The following HOMER1 variants were observed in gnomAD, a reference collection of about 807,000 sequenced individuals.
HOMER1 encodes the protein homer protein homolog 1.
HOMER1 carries 3 observed loss-of-function variants against 48.9 expected under a neutral mutation model. The observed-to-expected ratio is 0.06, with a 90% CI of 0.03 to 0.16. HOMER1 has a LOEUF of 0.16. Ranked by LOEUF, HOMER1 falls within the 10% of genes least tolerant of loss-of-function variation. The probability of loss-of-function intolerance (pLI) is 1.00; values close to 1 mark genes in which losing one functional copy is unlikely to be tolerated. For missense variants in HOMER1, 247 were observed against 411.4 expected (o/e 0.60, Z 3.46); for synonymous variants, 134 against 146.4 (o/e 0.92, Z 0.61).
At chr5:79,495,373 G>C (rs1466497353) in intron 1 of HOMER1, among the ~76,000 whole-genome samples, 1 of 152,038 alleles carries the variant, frequency 6.6e-6, no homozygotes, top group African/African-American at 2.4e-5. Context: ...ACTCTTATTT[G>C]TTTGTTAAGG....
At chr5:79,447,872 G>A (rs549153615) in intron 3 of HOMER1, among the ~76,000 whole-genome samples, 23 of 152,256 alleles carry the variant, frequency 1.5e-4, no homozygotes, top group Non-Finnish European at 2.8e-4. Context: ...ACTATTATCA[G>A]TGAGAATAAG....
At chr5:79,382,629 AC>A (rs1749011544) in intron 8 of HOMER1, among the ~76,000 whole-genome samples, 1 of 152,224 alleles carries the variant, frequency 6.6e-6, no homozygotes, top group African/African-American at 2.4e-5. Flanking sequence ...AGAATTCATC[AC>A]CACTATACCA....
At chr5:79,390,987 A>G (rs996966618) in intron 8 of HOMER1, among the ~76,000 whole-genome samples, 1 of 152,142 alleles carries the variant, frequency 6.6e-6, no homozygotes, top group Non-Finnish European at 1.5e-5. Flanking sequence ...TAAAAGTGAA[A>G]GAATGAAAAA....
chr5:79,483,689 T>C (rs1004227478), intron 1 of HOMER1, among the ~76,000 whole-genome samples: 1 of 150,964 alleles, frequency 6.6e-6, no homozygotes. Flanking sequence ...GGGGTAAATA[T>C]GCAGGTAAAT....
intron 6 of HOMER1, among the ~76,000 whole-genome samples, chr5:79,398,674 T>C (rs1172337706): frequency 6.6e-6 from 1 of 152,146 alleles, no homozygotes; most frequent in Non-Finnish European, 1.5e-5. Flanking sequence ...TTCAAAGACT[T>C]TCAGCAGCTC....
At chr5:79,500,288 A>G (rs1752540320) in intron 1 of HOMER1, among the ~76,000 whole-genome samples, 1 of 152,228 alleles carries the variant, frequency 6.6e-6, no homozygotes, top group Non-Finnish European at 1.5e-5. Flanking sequence ...CAGTTTTATG[A>G]TAACATAAAG....
intron 1 of HOMER1, among the ~76,000 whole-genome samples, chr5:79,511,514 T>C (rs1473270895): frequency 6.6e-6 from 1 of 152,168 alleles, no homozygotes; most frequent in Non-Finnish European, 1.5e-5. Flanking sequence ...AGAGGTCAAG[T>C]AATTTGCCTC....
chr5:79,375,897 A>T lies in HOMER1; in HGVS notation c.*112T>A. 1 of 541,758 alleles carries T rather than the reference A, an allele frequency of 1.8e-6. No individual in the cohort carries two copies. The highest frequency in any genetic ancestry group is 3.0e-6 in the Non-Finnish European group (1 of 336,688). The allele number at this position is 541,758 out of a possible 1,614,324, so 33.6% of individuals were successfully genotyped here. The stretch of plus-strand genomic sequence containing the variant: ...AAAAGATCCTCCTCCTGGAGGAGTG[A>T]TATTCAATTTTTTTTTTTTTTTTTT... On this transcript the variant is annotated 3_prime_UTR_variant, in exon 9 of 9. Coordinates refer to ENST00000334082, the MANE Select transcript of HOMER1 (RefSeq NM_004272.5).
chr5:79,497,358 T>TA (rs1048846181), intron 1 of HOMER1, among the ~76,000 whole-genome samples: 6 of 151,744 alleles, frequency 4.0e-5, no homozygotes, highest in Non-Finnish European at 8.8e-5. Context: ...TTTTCCCTTA[T>TA]AAAAAATAGA....
chr5:79,391,915 C>A (rs1428102406), intron 8 of HOMER1, among the ~76,000 whole-genome samples: 1 of 152,078 alleles, frequency 6.6e-6, no homozygotes, highest in Admixed American at 6.6e-5. Context: ...TTTTGATCAA[C>A]CATGAACAGC....
chr5:79,465,484 T>C (rs1410187534), intron 1 of HOMER1, among the ~76,000 whole-genome samples: 3 of 152,068 alleles, frequency 2.0e-5, no homozygotes, highest in African/African-American at 4.8e-5. Flanking sequence ...AATTGATGTA[T>C]TTGAAGAAAA....
At chr5:79,416,552 T>G (rs2112240895) in intron 5 of HOMER1, among the ~76,000 whole-genome samples, 1 of 152,358 alleles carries the variant, frequency 6.6e-6, no homozygotes, top group South Asian at 2.1e-4. Context: ...TAACTGTGCT[T>G]CTAGCAGTAA....
At chr5:79,481,498 T>G (rs1002131276) in intron 1 of HOMER1, among the ~76,000 whole-genome samples, 1 of 152,052 alleles carries the variant, frequency 6.6e-6, no homozygotes, top group Admixed American at 6.5e-5. Context: ...TTTGGAGAGG[T>G]AAGGCAGCTA....
intron 6 of HOMER1, among the ~76,000 whole-genome samples, chr5:79,400,293 GAAT>G (rs1296682216): frequency 1.3e-5 from 2 of 151,306 alleles, no homozygotes; most frequent in African/African-American, 4.9e-5. Context: ...ACACAGGATA[GAAT>G]AACATTTACT....
intron 5 of HOMER1, among the ~76,000 whole-genome samples, chr5:79,411,751 G>A (rs763030958): frequency 1.3e-5 from 2 of 152,264 alleles, no homozygotes; most frequent in East Asian, 3.9e-4. Flanking sequence ...GTAACGCCTT[G>A]CATGTACTTT....
intron 5 of HOMER1, among the ~76,000 whole-genome samples, chr5:79,402,271 T>A (rs746722681): frequency 1.3e-5 from 2 of 151,924 alleles, no homozygotes; most frequent in Non-Finnish European, 2.9e-5. Flanking sequence ...GTTCAAGCGA[T>A]TCTCCTGCCC....
At chr5:79,449,425 A>T (rs1360156748) in intron 3 of HOMER1, among the ~76,000 whole-genome samples, 2 of 151,908 alleles carry the variant, frequency 1.3e-5, no homozygotes, top group Non-Finnish European at 2.9e-5. Flanking sequence ...TTCAAGAAAT[A>T]CATTTAAAGA....
At chr5:79,380,286 G>T (rs748734661) in intron 8 of HOMER1, among the ~76,000 whole-genome samples, 1 of 152,150 alleles carries the variant, frequency 6.6e-6, no homozygotes, top group Non-Finnish European at 1.5e-5. Flanking sequence ...GAGCACTAGC[G>T]CTGGGTGCCA....
chr5:79,419,320 C>T (rs1750033783), intron 5 of HOMER1, among the ~76,000 whole-genome samples: 1 of 152,168 alleles, frequency 6.6e-6, no homozygotes, highest in Non-Finnish European at 1.5e-5. Flanking sequence ...TGGATGAATG[C>T]AGATTCTACT....
Sources: gnomAD v4.1 joint callset for allele counts (sites outside exome capture counted in the v4.1 genomes callset) on GRCh38, gnomAD v4.1.1 for gene constraint, MANE v1.5 for transcripts, NCBI Gene and HGNC (gene_info 2026-07-23, HGNC 2026-07-21) for gene names.